Variants in SH2B2 observed in about 807,000 individuals in gnomAD.
SH2B2 encodes the protein SH2B adaptor protein 2, also known as SH2B adapter protein 2.
SH2B2 carries 37 observed loss-of-function variants against 35.7 expected under a neutral mutation model. That is an observed-to-expected ratio of 1.04 (90% confidence interval 0.80 to 1.36). The LOEUF is 1.36. Among genes scored for constraint, SH2B2 ranks in the 40% most tolerant of loss-of-function variants. SH2B2 has a pLI of 0.00. For missense variants in SH2B2, 852 were observed against 817.7 expected (o/e 1.04, Z -0.51); for synonymous variants, 383 against 376.4 (o/e 1.02, Z -0.20).
Position 102,321,610 on chromosome 7 carries a change from A to G in SH2B2, c.1879A>G (p.Asn627Asp). The G allele has an allele frequency of 8.6e-7, 1 of 1,159,314 alleles. No individual in the cohort carries two copies. Among genetic ancestry groups the G allele is most frequent in the Non-Finnish European group, 1.1e-6 (1 of 941,706 alleles). 71.8% of individuals were successfully genotyped at this position (1,159,314 alleles called of 1,614,324 possible). A position where few individuals can be genotyped will look rare whatever the true frequency, so the allele number is the denominator to read the frequency against. ...GCCCGGCCGCGCGCGCGCCGTGGAG[A>G]ACCAGTACTCCTTCTACTAGCCCGC... is the stretch of plus-strand genomic sequence containing the variant. ...AAPGRARAVE[N>D]QYSFY The change falls in exon 9 of 9, where the codon AAC becomes GAC. Residue 627 changes from asparagine (N) to aspartate (D), a missense_variant. Asn to Asp is a conservative substitution (Grantham distance 23). This residue lies in a region of SH2B2 where 556 missense variants were observed against 514.5 expected (regional missense o/e 1.08). Coordinates refer to ENST00000444095, the MANE Select transcript of SH2B2 (RefSeq NM_001359228.2).
intron 4 of SH2B2, among the ~76,000 whole-genome samples, chr7:102,309,975 A>C (rs893055743): frequency 6.6e-6 from 1 of 152,176 alleles, no homozygotes; most frequent in African/African-American, 2.4e-5. Flanking sequence ...ACTGCACTCC[A>C]GCCTGGGCAA....
At chr7:102,291,797 G>A (rs897886982) in intron 1 of SH2B2, among the ~76,000 whole-genome samples, 5 of 152,224 alleles carry the variant, frequency 3.3e-5, no homozygotes, top group Admixed American at 2.0e-4. Context: ...CAGAGACTGC[G>A]CTGTGTGCTG....
intron 1 of SH2B2, among the ~76,000 whole-genome samples, chr7:102,287,446 G>A (rs1554551070): frequency 1.3e-5 from 2 of 152,186 alleles, no homozygotes; most frequent in Non-Finnish European, 2.9e-5. Context: ...TCTCTGGTTG[G>A]GGGAAGGGGT....
Position 102,313,704 on chromosome 7 carries a change from G to A in SH2B2, c.924-632G>A. Among the ~76,000 whole-genome samples the A allele has an allele frequency of 2.0e-5, 3 of 152,174 alleles. No homozygotes were observed. The Middle Eastern group carries it at 0.01, about 518-fold the overall frequency. ...ACGAGGCAGGCAGATCACGAGGTCA[G>A]TTTGAGACCAGCCTGGCCAACACAG... On this transcript the variant is annotated intron_variant, in intron 4 of 8. Transcript: ENST00000444095.
intron 1 of SH2B2, among the ~76,000 whole-genome samples, chr7:102,298,168 G>C (rs1554552833): frequency 1.1e-4 from 17 of 152,198 alleles, no homozygotes; most frequent in Non-Finnish European, 1.5e-4. Context: ...GCTGTGGATA[G>C]GGCTTTGGCT....
Position 102,296,125 on chromosome 7 carries a change from T to C in SH2B2, c.-29-4397T>C, listed in dbSNP as rs1267218647. On this transcript the variant is annotated intron_variant, in intron 1 of 8. Coordinates refer to ENST00000444095, the MANE Select transcript of SH2B2 (RefSeq NM_001359228.2). The stretch of plus-strand genomic sequence containing the variant: ...GCTAAGCAGGCTCAGCCGGGAGCCC[T>C]GTTCTGTCCCTGGGGCTGTCCCTTG... Among the ~76,000 whole-genome samples, 39 of 152,196 alleles carry C rather than the reference T, an allele frequency of 2.6e-4. 1 individual carries two copies. Among genetic ancestry groups the C allele is most frequent in the Admixed American group, 2.4e-3 (36 of 15,286 alleles).
At chr7:102,290,240 C>A (rs1193513645) in intron 1 of SH2B2, among the ~76,000 whole-genome samples, 1 of 51,578 alleles carries the variant, frequency 1.9e-5, no homozygotes, top group Non-Finnish European at 4.0e-5. Flanking sequence ...TCCATACCCC[C>A]CTTTTTTTTT....
chr7:102,321,226 A>G, intron 8 of SH2B2, 73 bp from the exon 9 acceptor site: 1 of 1,236,308 alleles, frequency 8.1e-7, no homozygotes, highest in Non-Finnish European at 1.0e-6. Flanking sequence ...TGGCCCCTTG[A>G]GGGATCCCGG....
Position 102,300,639 on chromosome 7 carries a change from A to G in SH2B2, c.89A>G (p.His30Arg). 6.5e-7 allele frequency: 1 copy of G among 1,550,202 alleles called. No individual in the cohort carries two copies. Among genetic ancestry groups the G allele is most frequent in the Non-Finnish European group, 8.7e-7 (1 of 1,145,740 alleles). Residue 30 changes from histidine (H) to arginine (R), a missense_variant, in exon 2 of 9, where the codon CAT (histidine) becomes CGT (arginine). This residue lies in a region of SH2B2 where 294 missense variants were observed against 286.6 expected (regional missense o/e 1.03). Transcript: ENST00000444095. Reference protein sequence around the residue: ...VPDWRQFCELHAQAAAVDFAH... With the variant: ...VPDWRQFCELRAQAAAVDFAH... ...GACTGGCGGCAGTTCTGCGAGCTGC[A>G]TGCGCAGGCGGCCGCCGTGGACTTT...
intron 2 of SH2B2, among the ~76,000 whole-genome samples, chr7:102,304,092 A>G (rs1385549030): frequency 6.6e-6 from 1 of 152,076 alleles, no homozygotes; most frequent in Non-Finnish European, 1.5e-5. Flanking sequence ...ACAGGCTCCC[A>G]GGGTGAGTGA....
intron 4 of SH2B2, among the ~76,000 whole-genome samples, chr7:102,313,296 A>AAAT (rs1793695615): frequency 6.6e-6 from 1 of 151,698 alleles, no homozygotes; most frequent in African/African-American, 2.4e-5. Flanking sequence ...AAAAAAAAAA[A>AAAT]AATTAGCTGG....
intron 1 of SH2B2, among the ~76,000 whole-genome samples, chr7:102,299,440 A>G (rs1343994627): frequency 5.8e-4 from 74 of 126,628 alleles, no homozygotes; most frequent in Middle Eastern, 0.012. Flanking sequence ...CTCCTGATCC[A>G]CCCGCCTCGG....
In SH2B2 at chr7:102,317,414, C is replaced by T; in HGVS notation, c.1395+19C>T. 6.5e-7 allele frequency: 1 copy of T among 1,543,576 alleles called. No individual in the cohort carries two copies. Among genetic ancestry groups the T allele is most frequent in the Non-Finnish European group, 8.8e-7 (1 of 1,137,430 alleles). ...GGCCAAGGCAAGTGTGTGGGGGGCGCCATGGGGGTGCAGTGGCCAGCCCTG... is the reference window on the plus strand; with the variant it reads ...GGCCAAGGCAAGTGTGTGGGGGGCGTCATGGGGGTGCAGTGGCCAGCCCTG... On this transcript the variant is annotated intron_variant, in intron 7 of 8. Coordinates refer to ENST00000444095, the MANE Select transcript of SH2B2 (RefSeq NM_001359228.2).
At chr7:102,302,877 C>G (rs1554554200) in intron 2 of SH2B2, among the ~76,000 whole-genome samples, 2 of 151,736 alleles carry the variant, frequency 1.3e-5, no homozygotes, top group African/African-American at 4.8e-5. Context: ...AAGACTGCAC[C>G]ACTGCCCTCT....
intron 4 of SH2B2, among the ~76,000 whole-genome samples, chr7:102,310,691 G>A (rs1793586501): frequency 6.6e-6 from 1 of 152,154 alleles, no homozygotes; most frequent in African/African-American, 2.4e-5. Context: ...CACAATTAAG[G>A]TCCTGGGCGC....
At chr7:102,320,547 C>T (rs1554558228) in intron 8 of SH2B2, 45 bp downstream of exon 8, 5 of 1,586,856 alleles carry the variant, frequency 3.2e-6, no homozygotes, top group Non-Finnish European at 4.3e-6. Flanking sequence ...AAGAAGACTT[C>T]CCGTTGATTA....
At chr7:102,320,548 C>T in intron 8 of SH2B2, 46 bp downstream of exon 8, 1 of 1,583,544 alleles carries the variant, frequency 6.3e-7, no homozygotes, top group Admixed American at 1.8e-5. Context: ...AGAAGACTTC[C>T]CGTTGATTAC....
intron 1 of SH2B2, among the ~76,000 whole-genome samples, chr7:102,289,279 G>A (rs782494697): frequency 3.9e-5 from 6 of 152,176 alleles, no homozygotes; most frequent in Admixed American, 2.0e-4. Context: ...CAACCAGCCA[G>A]GAGCTCACGG....
chr7:102,302,614 T>C (rs1184067208), intron 2 of SH2B2, among the ~76,000 whole-genome samples: 1 of 152,194 alleles, frequency 6.6e-6, no homozygotes, highest in African/African-American at 2.4e-5. Context: ...CTGGTGGGCA[T>C]CTGCACAGAC....
Sources: gnomAD v4.1 joint callset for allele counts (sites outside exome capture counted in the v4.1 genomes callset) on GRCh38, gnomAD v4.1.1 for gene constraint, gnomAD v4.1.1 regional missense constraint, MANE v1.5 for transcripts, NCBI Gene and HGNC (gene_info 2026-07-23, HGNC 2026-07-21) for gene names.